Variants in CLSTN2 observed in about 807,000 individuals in gnomAD.
CLSTN2 encodes calsyntenin-2.
Under a neutral mutation model 101.2 loss-of-function variants are expected in CLSTN2, and 48 were observed. The observed-to-expected ratio is 0.47, with a 90% CI of 0.38 to 0.60. The LOEUF (loss-of-function observed/expected upper bound fraction) is 0.60. Among genes scored for constraint, CLSTN2 ranks in the 20% least tolerant of loss-of-function variants. CLSTN2 has a pLI of 0.00. For synonymous variants in CLSTN2, 481 were observed against 463.6 expected, an observed-to-expected ratio of 1.04 and a Z score of -0.48; for missense variants, 1,160 against 1,238.2, an observed-to-expected ratio of 0.94 and a Z score of 0.95.
intron 2 of CLSTN2, among the ~76,000 whole-genome samples, chr3:140,231,615 A>G (rs113151184): frequency 0.04 from 6,049 of 152,238 alleles, 370 homozygotes; most frequent in African/African-American, 0.14. Context: ...ACTGGTTCCT[A>G]GTTCAAGTCT....
chr3:140,013,474 C>T (rs1208211988), intron 1 of CLSTN2, among the ~76,000 whole-genome samples: 1 of 152,142 alleles, frequency 6.6e-6, no homozygotes, highest in South Asian at 2.1e-4. Flanking sequence ...GAAAGCAGTG[C>T]GTGGAGACAG....
intron 1 of CLSTN2, among the ~76,000 whole-genome samples, chr3:140,086,976 A>G (rs1481485840): frequency 2.0e-5 from 3 of 148,690 alleles, no homozygotes; most frequent in African/African-American, 7.5e-5. Context: ...TTTCACATTT[A>G]GAGAACTTAA....
chr3:140,271,693 G>C (rs879913263), intron 2 of CLSTN2, among the ~76,000 whole-genome samples: 5 of 152,108 alleles, frequency 3.3e-5, no homozygotes, highest in Non-Finnish European at 7.3e-5. Flanking sequence ...CCATAACCCT[G>C]GTGATTAGCT....
chr3:140,454,637 G>A (rs1933350276), intron 6 of CLSTN2: 1 of 152,162 alleles, frequency 6.6e-6, no homozygotes, highest in Non-Finnish European at 1.5e-5. Flanking sequence ...AAATAACAAA[G>A]GTTTATTTAT....
intron 2 of CLSTN2, among the ~76,000 whole-genome samples, chr3:140,335,516 C>T (rs2087431395): frequency 6.6e-6 from 1 of 151,146 alleles, no homozygotes; most frequent in African/African-American, 2.4e-5. Context: ...AGTCAAAAGG[C>T]ACAGTGCAGC....
intron 1 of CLSTN2, among the ~76,000 whole-genome samples, chr3:140,146,564 C>G (rs941396819): frequency 3.3e-5 from 5 of 152,186 alleles, no homozygotes; most frequent in African/African-American, 1.2e-4. Context: ...AGAGGAAGCT[C>G]ATCTTGGGTG....
At chr3:140,029,258 AT>A (rs1212533766) in intron 1 of CLSTN2, among the ~76,000 whole-genome samples, 1 of 152,226 alleles carries the variant, frequency 6.6e-6, no homozygotes, top group African/African-American at 2.4e-5. Context: ...GTTGGCTTGA[AT>A]AAATGGAGGT....
chr3:140,236,816 T>C (rs2086421209), intron 2 of CLSTN2, among the ~76,000 whole-genome samples: 1 of 134,604 alleles, frequency 7.4e-6, no homozygotes, highest in African/African-American at 2.8e-5. Flanking sequence ...TTACATGTTA[T>C]GTTATATAGT....
chr3:140,323,398 G>A (rs1209026879), intron 2 of CLSTN2, among the ~76,000 whole-genome samples: 1 of 152,346 alleles, frequency 6.6e-6, no homozygotes, highest in East Asian at 1.9e-4. Context: ...TATGCAAAGA[G>A]ATTTTATAAA....
chr3:140,350,129 C>T (rs1050505727), intron 2 of CLSTN2, among the ~76,000 whole-genome samples: 2 of 152,242 alleles, frequency 1.3e-5, no homozygotes, highest in Non-Finnish European at 2.9e-5. Context: ...GATTCTGCCT[C>T]TTGCCTTGTG....
At chr3:140,129,410 G>T (rs116686642) in intron 1 of CLSTN2, among the ~76,000 whole-genome samples, 2,039 of 152,194 alleles carry the variant, frequency 0.013, 42 homozygotes, top group African/African-American at 0.045. Flanking sequence ...AGCTTCTTTT[G>T]TTAATTAGCT....
chr3:140,478,868 G>A (rs71314550), intron 8 of CLSTN2, among the ~76,000 whole-genome samples: 7,259 of 94,286 alleles, frequency 0.077, 382 homozygotes, highest in African/African-American at 0.17. Flanking sequence ...AAGGAAGGGG[G>A]AAGGAGGAAG....
intron 1 of CLSTN2, among the ~76,000 whole-genome samples, chr3:140,070,383 T>C (rs986391420): frequency 7.2e-5 from 11 of 152,236 alleles, no homozygotes; most frequent in African/African-American, 2.7e-4. Context: ...ATTATAAGCC[T>C]TGTATTAAAC....
intron 1 of CLSTN2, among the ~76,000 whole-genome samples, chr3:139,989,244 CT>C (rs1936078737): frequency 6.6e-6 from 1 of 152,178 alleles, no homozygotes; most frequent in African/African-American, 2.4e-5. Flanking sequence ...CTTGAGGACA[CT>C]TTGCAGCCAC....
intron 1 of CLSTN2, among the ~76,000 whole-genome samples, chr3:139,937,574 T>TAAA (rs59496165): frequency 2.4e-4 from 28 of 114,668 alleles, no homozygotes; most frequent in African/African-American, 7.1e-4. Flanking sequence ...CCGTCTCTAC[T>TAAA]AAAAAAAAAA....
At chr3:140,258,166 C>T (rs1486559187) in intron 2 of CLSTN2, among the ~76,000 whole-genome samples, 3 of 151,772 alleles carry the variant, frequency 2.0e-5, no homozygotes, top group Non-Finnish European at 2.9e-5. Flanking sequence ...CTTTTTCAGC[C>T]CGCTTTTATT....
At chr3:140,527,831 A>G (rs1442725146) in intron 8 of CLSTN2, among the ~76,000 whole-genome samples, 2 of 152,138 alleles carry the variant, frequency 1.3e-5, no homozygotes, top group Non-Finnish European at 2.9e-5. Context: ...AAAACCAAAT[A>G]CCGTATTTTT....
intron 4 of CLSTN2, among the ~76,000 whole-genome samples, chr3:140,414,385 G>A (rs995917814): frequency 6.6e-5 from 10 of 151,968 alleles, no homozygotes; most frequent in African/African-American, 1.7e-4. Context: ...GAAAGAAAAC[G>A]TAGAAGACAC....
intron 2 of CLSTN2, among the ~76,000 whole-genome samples, chr3:140,345,245 C>CTTTTTTTTTTTTTTTTTTTTT (rs569774722): frequency 7.4e-6 from 1 of 135,992 alleles, no homozygotes. Flanking sequence ...TGGATATAGC[C>CTTTTTTTTTTTTTTTTTTTTT]TTTTTTTCTT....
Sources: allele counts gnomAD v4.1 joint callset (sites outside exome capture counted in the v4.1 genomes callset), GRCh38; gene constraint gnomAD v4.1.1; transcripts MANE v1.5; gene names NCBI Gene and HGNC (gene_info 2026-07-23, HGNC 2026-07-21).